The following DUOX1 variants were observed in gnomAD, a reference collection of about 807,000 sequenced individuals.
DUOX1 encodes NADPH thyroid oxidase 1.
Under a neutral mutation model 181.8 loss-of-function variants are expected in DUOX1, and 134 were observed. That is an observed-to-expected ratio of 0.74 (90% CI 0.64 to 0.85). DUOX1 has a LOEUF of 0.85. DUOX1 is among the 40% of genes least tolerant of loss of function. The pLI, the probability that DUOX1 is intolerant of heterozygous loss-of-function variation, is 0.00. For missense variants in DUOX1, 1,814 were observed against 2,064.4 expected (o/e 0.88, Z 2.35); for synonymous variants, 798 against 832.5 (o/e 0.96, Z 0.71).
intron 15 of DUOX1, 133 bp downstream of exon 15, chr15:45,142,245 T>A: frequency 9.4e-7 from 1 of 1,062,032 alleles, no homozygotes. Context: ...AATGAAACAT[T>A]AGAGGAGGAA....
intron 25 of DUOX1, 157 bp downstream of exon 25, chr15:45,152,673 G>A (rs573533402): frequency 8.7e-5 from 63 of 725,232 alleles, no homozygotes; most frequent in African/African-American, 2.5e-4. Context: ...AAGCCCGGGA[G>A]CCTGTCGCTG....
At position 45,141,973 on chromosome 15, in the gene DUOX1, A is replaced by C. The variant is rs1379426979; in HGVS notation, c.1685-2A>C. On this transcript the variant is annotated splice_acceptor_variant, in intron 14 of 33. Transcript: ENST00000389037. LOFTEE classifies it high-confidence loss of function. ...GGACGCTGGCTTCCTCTGCCTTCCC[A>C]GGAGACCCCTGTCCGCAGCCGAGAC... The C allele has an allele frequency of 2.5e-6, 4 of 1,608,498 alleles. No homozygotes were observed. The highest frequency in any genetic ancestry group is 3.4e-6 in the Non-Finnish European group (4 of 1,177,652).
At chr15:45,148,100 C>A in intron 20 of DUOX1, 103 bp downstream of exon 20, 1 of 1,430,178 alleles carries the variant, frequency 7.0e-7, no homozygotes, top group Non-Finnish European at 9.8e-7. Flanking sequence ...AAGGAAGCCT[C>A]CTCCTTACCC....
intron 5 of DUOX1, 79 bp from the exon 6 acceptor site, chr15:45,135,395 G>C (rs1896275044): frequency 6.7e-7 from 1 of 1,501,230 alleles, no homozygotes; most frequent in Non-Finnish European, 8.8e-7. Context: ...CTCCCCAGCC[G>C]CGGACACCCG....
intron 27 of DUOX1, 113 bp from the exon 28 acceptor site, chr15:45,155,689 G>T: frequency 1.2e-5 from 18 of 1,466,572 alleles, no homozygotes; most frequent in Non-Finnish European, 1.6e-5. Context: ...AGAATGCTGG[G>T]ACATTCTTAC....
chr15:45,165,068 C>G lies in DUOX1; in HGVS notation c.*167C>G. On this transcript the variant is annotated 3_prime_UTR_variant, in exon 34 of 34. Coordinates refer to ENST00000389037, the MANE Select transcript of DUOX1 (RefSeq NM_175940.3). ...TCACCATGTGTGGGCTCAGGGACCC[C>G]CAGGACCAGGATGTGTCTCAGCCTG... The G allele has an allele frequency of 1.5e-6, 1 of 682,978 alleles. No individual in the cohort carries two copies. Among genetic ancestry groups the G allele is most frequent in the Non-Finnish European group, 2.5e-6 (1 of 407,060 alleles). The allele number at this position is 682,978 out of a possible 1,614,324, so 42.3% of individuals were successfully genotyped here. A position where few individuals can be genotyped will look rare whatever the true frequency, so the allele number is the denominator to read the frequency against.
In DUOX1 at chr15:45,154,097, A is replaced by C. The variant is rs200408619; in HGVS notation, c.3574+97A>C. The C allele has an allele frequency of 5.2e-6, 6 of 1,162,786 alleles. No homozygotes were observed. In the Admixed American group the frequency reaches 1.0e-4, roughly 20 times the overall value. 72.0% of individuals were successfully genotyped at this position (1,162,786 alleles called of 1,614,324 possible). ...CAGAGCAACCCACGTTCACTCACTC[A>C]GCTCTTCCGGTGACCCAGGCTCTGT... On this transcript the variant is annotated intron_variant, in intron 27 of 33. Transcript: ENST00000389037.
At chr15:45,156,976 G>A (rs2141298723) in intron 28 of DUOX1, among the ~76,000 whole-genome samples, 1 of 152,304 alleles carries the variant, frequency 6.6e-6, no homozygotes, top group East Asian at 1.9e-4. Flanking sequence ...TCACTTAGAA[G>A]CTAAACCAAA....
At chr15:45,154,810 T>G (rs924274334) in intron 27 of DUOX1, among the ~76,000 whole-genome samples, 26 of 152,314 alleles carry the variant, frequency 1.7e-4, no homozygotes, top group African/African-American at 6.0e-4. Flanking sequence ...CCTTGATCAC[T>G]TGAGGGAGCA....
In DUOX1 at chr15:45,130,992, T is replaced by C. The variant is rs552527999; in HGVS notation, c.-50+894T>C. On this transcript the variant is annotated intron_variant, in intron 1 of 33. Coordinates refer to ENST00000389037, the MANE Select transcript of DUOX1 (RefSeq NM_175940.3). ...CAGGTGATACTGAGCTTTCCAGTTA[T>C]GGCAGGGCCTAGGTTTTTTCATTTA... Among the ~76,000 whole-genome samples, 130 of 152,350 alleles carry C rather than the reference T, an allele frequency of 8.5e-4. 3 individuals are homozygous for C. The South Asian group carries it at 0.025, about 30-fold the overall frequency.
intron 20 of DUOX1, 25 bp downstream of exon 20, chr15:45,148,022 G>A (rs1896699810): frequency 6.3e-7 from 1 of 1,595,646 alleles, no homozygotes; most frequent in South Asian, 1.1e-5. Context: ...ACAGCCAGGA[G>A]AATGGGCCAG....
intron 28 of DUOX1, among the ~76,000 whole-genome samples, chr15:45,158,680 T>G (rs1417105410): frequency 2.8e-5 from 3 of 107,618 alleles, no homozygotes; most frequent in South Asian, 3.4e-4. Context: ...CCAGCCTGGG[T>G]GACAGCGAGA....
intron 28 of DUOX1, among the ~76,000 whole-genome samples, chr15:45,156,358 C>T (rs568148985): frequency 3.3e-5 from 5 of 152,356 alleles, no homozygotes; most frequent in African/African-American, 1.2e-4. Flanking sequence ...GCATTAGTCA[C>T]ACCTGCTAAG....
chr15:45,136,737 G>A (rs1896328729), intron 9 of DUOX1, 112 bp downstream of exon 9: 8 of 958,144 alleles, frequency 8.3e-6, no homozygotes, highest in Non-Finnish European at 1.3e-5. Context: ...GTGTCCCCAA[G>A]GGAAAGACCG....
At position 45,153,270 on chromosome 15, in the gene DUOX1, G is replaced by T. The variant is rs1209158032; in HGVS notation, c.3425-110G>T. The T allele has an allele frequency of 2.8e-5, 20 of 713,822 alleles. No homozygotes were observed. In the Admixed American group the frequency reaches 3.4e-4, roughly 12 times the overall value. The allele number at this position is 713,822 out of a possible 1,614,324, so 44.2% of individuals were successfully genotyped here. A position where few individuals can be genotyped will look rare whatever the true frequency, so the allele number is the denominator to read the frequency against. On this transcript the variant is annotated intron_variant, in intron 25 of 33. Transcript: ENST00000389037. ...AGAGGTCAGAAGTCGAGACTCCTAA[G>T]GTACTTCTCTGGGACCCCCACTCTG... is the stretch of plus-strand genomic sequence containing the variant.
At chr15:45,162,571 T>G (rs1256664726) in intron 31 of DUOX1, among the ~76,000 whole-genome samples, 194 bp downstream of exon 31, 1 of 152,244 alleles carries the variant, frequency 6.6e-6, no homozygotes, top group African/African-American at 2.4e-5. Context: ...CAGAACTGGT[T>G]TGCGGATGCC....
At chr15:45,156,281 T>C (rs904873740) in intron 28 of DUOX1, among the ~76,000 whole-genome samples, 2 of 152,186 alleles carry the variant, frequency 1.3e-5, no homozygotes, top group African/African-American at 4.8e-5. Context: ...CAAGAGAGCA[T>C]CACCCTTTTT....
Position 45,131,903 on chromosome 15 carries a change from C to T in DUOX1, c.-49-15C>T. On this transcript the variant is annotated splice_polypyrimidine_tract_variant and intron_variant, in intron 1 of 33. Transcript: ENST00000389037. ...CTGAGTAGCTGGGGCTCATTCTTTGCCTGTCTTTTTCTAGGGTCTCCATTT... is the reference window on the plus strand; with the variant it reads ...CTGAGTAGCTGGGGCTCATTCTTTGTCTGTCTTTTTCTAGGGTCTCCATTT... 6.5e-7 allele frequency: 1 copy of T among 1,543,736 alleles called. No homozygotes were observed. Among genetic ancestry groups the T allele is most frequent in the South Asian group, 1.1e-5 (1 of 89,580 alleles).
intron 27 of DUOX1, among the ~76,000 whole-genome samples, chr15:45,154,457 C>A (rs1004052078): frequency 1.3e-5 from 2 of 152,208 alleles, no homozygotes; most frequent in South Asian, 4.1e-4. Flanking sequence ...ATATTCCTAA[C>A]TCCCTATAAT....
Sources: gnomAD v4.1 joint callset for allele counts (sites outside exome capture counted in the v4.1 genomes callset) on GRCh38, gnomAD v4.1.1 for gene constraint, MANE v1.5 for transcripts, NCBI Gene and HGNC (gene_info 2026-07-23, HGNC 2026-07-21) for gene names.